GRM5: variants seen among roughly 807,000 people sequenced by gnomAD.
GRM5 encodes the protein glutamate metabotropic receptor 5, also known as metabotropic glutamate receptor 5.
Under a neutral mutation model 83.1 loss-of-function variants are expected in GRM5, and 19 were observed. That is an observed-to-expected ratio of 0.23 (90% confidence interval 0.16 to 0.34). The LOEUF (loss-of-function observed/expected upper bound fraction) is 0.34, where lower values mean the gene tolerates loss of function less well. Ranked by LOEUF, GRM5 falls within the 10% of genes least tolerant of loss-of-function variation. GRM5 has a pLI of 1.00. For synonymous variants in GRM5, 675 were observed against 633.6 expected, an observed-to-expected ratio of 1.07 and a Z score of -0.98; for missense variants, 1,160 against 1,588.3, an observed-to-expected ratio of 0.73 and a Z score of 4.58.
chr11:89,063,961 A>G (rs959885787), intron 1 of GRM5, among the ~76,000 whole-genome samples: 7 of 152,162 alleles, frequency 4.6e-5, no homozygotes, highest in African/African-American at 1.7e-4. Context: ...AATTCTAAGA[A>G]TAAACCTGTA....
At chr11:88,851,158 T>C (rs1197954224) in intron 2 of GRM5, among the ~76,000 whole-genome samples, 1 of 152,188 alleles carries the variant, frequency 6.6e-6, no homozygotes, top group Non-Finnish European at 1.5e-5. Flanking sequence ...TACATCCGCA[T>C]TTCTCTTTCC....
chr11:88,635,633 T>C (rs1048257428), intron 4 of GRM5, among the ~76,000 whole-genome samples: 3 of 152,192 alleles, frequency 2.0e-5, no homozygotes, highest in Non-Finnish European at 2.9e-5. Flanking sequence ...ATTCCTTAGG[T>C]TGTCTTTTCA....
At chr11:88,994,785 A>T (rs1467740063) in intron 2 of GRM5, among the ~76,000 whole-genome samples, 3 of 151,944 alleles carry the variant, frequency 2.0e-5, no homozygotes, top group Non-Finnish European at 4.4e-5. Flanking sequence ...TCAAGATCCA[A>T]GGACTGGTGG....
rs1348918306 is a variant in GRM5, at chr11:88,522,544, A to ATCCCT, written c.2726+2764_2726+2765insAGGGA. ...CTAGGCCTTTTCTACTCCCTAAGGG[A>ATCCCT]AAGCTTAAGCATGGCAGGTCTCTCT... On this transcript the variant is annotated intron_variant, in intron 9 of 9. Transcript: ENST00000305447. Among the ~76,000 whole-genome samples the ATCCCT allele has an allele frequency of 4.1e-3, 621 of 151,188 alleles. 1 individual carries two copies. The highest frequency in any genetic ancestry group is 6.5e-3 in the Non-Finnish European group (438 of 67,824).
chr11:88,746,582 A>T (rs1301187411), intron 3 of GRM5, among the ~76,000 whole-genome samples: 1 of 151,120 alleles, frequency 6.6e-6, no homozygotes, highest in East Asian at 1.9e-4. Flanking sequence ...AAAAAAAAAA[A>T]ATAAGCTTAA....
chr11:88,872,335 A>T (rs1299721658), intron 2 of GRM5, among the ~76,000 whole-genome samples: 1 of 151,672 alleles, frequency 6.6e-6, no homozygotes, highest in African/African-American at 2.4e-5. Context: ...GAAGTGATGC[A>T]AATTAGTAAT....
intron 2 of GRM5, among the ~76,000 whole-genome samples, chr11:88,945,583 C>T (rs111480503): frequency 0.032 from 4,814 of 152,078 alleles, 242 homozygotes; most frequent in African/African-American, 0.11. Flanking sequence ...AATAAAGCTG[C>T]ACACCTACAA....
chr11:88,826,601 T>C (rs1410983956), intron 3 of GRM5, among the ~76,000 whole-genome samples: 1 of 152,182 alleles, frequency 6.6e-6, no homozygotes, highest in African/African-American at 2.4e-5. Flanking sequence ...CTGGACATAT[T>C]GTCACTGGTG....
At chr11:88,532,862 CT>C (rs1222465761) in intron 8 of GRM5, among the ~76,000 whole-genome samples, 2 of 152,094 alleles carry the variant, frequency 1.3e-5, no homozygotes, top group Admixed American at 1.3e-4. Context: ...AAAGAACAGA[CT>C]TTTTTGTAAT....
chr11:88,641,788 G>C (rs1238397769), intron 4 of GRM5, among the ~76,000 whole-genome samples: 1 of 152,158 alleles, frequency 6.6e-6, no homozygotes, highest in Non-Finnish European at 1.5e-5. Flanking sequence ...CACGGCCTTG[G>C]GCAGCTCTGC....
At chr11:88,941,606 C>CG (rs1249136463) in intron 2 of GRM5, among the ~76,000 whole-genome samples, 1 of 146,684 alleles carries the variant, frequency 6.8e-6, no homozygotes, top group Non-Finnish European at 1.5e-5. Context: ...GGAGGGAAAG[C>CG]GGGAAAAAGC....
At chr11:89,033,810 C>A (rs944448824) in intron 2 of GRM5, among the ~76,000 whole-genome samples, 5 of 151,342 alleles carry the variant, frequency 3.3e-5, no homozygotes, top group Non-Finnish European at 7.4e-5. Context: ...ATCCAAACAT[C>A]AATTATATTG....
intron 7 of GRM5, among the ~76,000 whole-genome samples, chr11:88,573,634 A>AAACT (rs1385130246): frequency 2.0e-5 from 3 of 152,200 alleles, no homozygotes; most frequent in Non-Finnish European, 4.4e-5. Context: ...AGATTATAAA[A>AAACT]AACTGATCTA....
chr11:89,059,519 T>A (rs1297137025), intron 1 of GRM5, among the ~76,000 whole-genome samples: 1 of 152,102 alleles, frequency 6.6e-6, no homozygotes, highest in Non-Finnish European at 1.5e-5. Context: ...GGAAATCAGA[T>A]GATCCTAGAT....
intron 7 of GRM5, among the ~76,000 whole-genome samples, chr11:88,568,407 T>C (rs1942916824): frequency 6.6e-6 from 1 of 152,106 alleles, no homozygotes. Context: ...AGTTGGGGAT[T>C]TCATGGGCTT....
intron 2 of GRM5, among the ~76,000 whole-genome samples, chr11:88,854,344 G>T (rs1396313154): frequency 6.6e-6 from 1 of 151,650 alleles, no homozygotes; most frequent in African/African-American, 2.4e-5. Context: ...ACTCTAATAA[G>T]CTATTATAAA....
intron 1 of GRM5, among the ~76,000 whole-genome samples, chr11:89,061,639 G>C (rs563145021): frequency 1.8e-4 from 28 of 152,284 alleles, no homozygotes; most frequent in African/African-American, 4.8e-4. Flanking sequence ...ATAGATATGA[G>C]TGAATTTTTC....
chr11:88,542,790 C>T (rs1007326128), intron 8 of GRM5, among the ~76,000 whole-genome samples: 1 of 152,076 alleles, frequency 6.6e-6, no homozygotes, highest in Non-Finnish European at 1.5e-5. Flanking sequence ...TAACACCTGC[C>T]GGGCTTGGTG....
At chr11:88,895,902 AC>A (rs1334203047) in intron 2 of GRM5, among the ~76,000 whole-genome samples, 2 of 151,932 alleles carry the variant, frequency 1.3e-5, no homozygotes, top group African/African-American at 4.8e-5. Flanking sequence ...AAGTTTAAAA[AC>A]GTATGTTTAC....
Sources: gnomAD v4.1 joint callset for allele counts (sites outside exome capture counted in the v4.1 genomes callset) on GRCh38, gnomAD v4.1.1 for gene constraint, MANE v1.5 for transcripts, NCBI Gene and HGNC (gene_info 2026-07-23, HGNC 2026-07-21) for gene names.